The following CCNH variants were observed in gnomAD, a reference collection of about 807,000 sequenced individuals.
The protein encoded by CCNH is cyclin H, also known as cyclin-H.
CCNH carries 31 observed loss-of-function variants against 41.9 expected under a neutral mutation model. The observed-to-expected ratio is 0.74, with a 90% CI of 0.56 to 1.00. The LOEUF (loss-of-function observed/expected upper bound fraction) is 1.00. Ranked by LOEUF, CCNH falls within the 50% of genes least tolerant of loss-of-function variation. CCNH has a pLI of 0.00. For synonymous variants in CCNH, 138 were observed against 136.1 expected (o/e 1.01, Z -0.10); for missense variants, 362 against 388.4 (o/e 0.93, Z 0.57).
intron 7 of CCNH, among the ~76,000 whole-genome samples, chr5:87,397,850 TA>T (rs1181864388): frequency 1.3e-5 from 2 of 152,248 alleles, no homozygotes; most frequent in African/African-American, 4.8e-5. Flanking sequence ...GCAGGCCCTA[TA>T]ACCAGTTTCT....
chr5:87,331,638 A>C (rs1204723940), intron 9 of CCNH: 1 of 1,010,462 alleles, frequency 9.9e-7, no homozygotes, highest in Admixed American at 2.2e-5. Flanking sequence ...CAAATGATTT[A>C]ATCAGTGATT....
downstream of CCNH, chr5:87,391,965 T>G (rs1174564579): frequency 1.4e-5 from 3 of 222,176 alleles, no homozygotes; most frequent in Non-Finnish European, 2.7e-5. Flanking sequence ...TTTATTTATT[T>G]TCTTCCTCCT....
Position 87,383,852 on chromosome 5 carries a change from C to T in CCNH, c.*90+8918G>A, listed in dbSNP as rs1390501879. The T allele has an allele frequency of 6.1e-6, 7 of 1,152,552 alleles. No homozygotes were observed. In the East Asian group the frequency reaches 1.3e-4, roughly 21 times the overall value. 71.4% of individuals were successfully genotyped at this position (1,152,552 alleles called of 1,614,324 possible). ...CAGTTTCATACTATTTAAGAATACT[C>T]TTAAATCTTTTTTTTTTTTTTGATC... On this transcript the variant is annotated intron_variant and NMD_transcript_variant, in intron 9 of 9. Coordinates refer to the CCNH transcript ENST00000645953.
intron 9 of CCNH, among the ~76,000 whole-genome samples, chr5:87,366,866 TTTAAAAAA>T (rs1269251050): frequency 1.3e-5 from 2 of 152,124 alleles, no homozygotes; most frequent in Non-Finnish European, 2.9e-5. Context: ...ACCCCGTCTC[TTTAAAAAA>T]TTAAAAAATT....
upstream of CCNH, chr5:87,379,870 T>A: frequency 6.2e-7 from 1 of 1,608,316 alleles, no homozygotes. Context: ...GAAATTTTCA[T>A]TTGACAAGAA....
chr5:87,395,227 T>C (rs1045689839), intron 7 of CCNH, 123 bp from the exon 8 acceptor site: 35 of 692,600 alleles, frequency 5.1e-5, no homozygotes, highest in Non-Finnish European at 8.2e-5. Flanking sequence ...CCAGGATAAA[T>C]GGAAAAAGAT....
At chr5:87,356,264 G>A (rs1759641280) in intron 9 of CCNH, among the ~76,000 whole-genome samples, 1 of 152,060 alleles carries the variant, frequency 6.6e-6, no homozygotes, top group South Asian at 2.1e-4. Flanking sequence ...TTAAGAAATT[G>A]CCACAACCAC....
upstream of CCNH, among the ~76,000 whole-genome samples, chr5:87,381,087 T>C (rs1233625638): frequency 6.6e-6 from 1 of 152,186 alleles, no homozygotes; most frequent in Non-Finnish European, 1.5e-5. Flanking sequence ...TCATGGAATT[T>C]GGGAGCTTAT....
chr5:87,376,399 T>C (rs775774342), exon 1 of CCNH: 2 of 1,613,988 alleles, frequency 1.2e-6, no homozygotes, highest in Non-Finnish European at 1.7e-6. Context: ...CAAGTATTTA[T>C]GCGCTGCCAG....
At chr5:87,317,442 A>G (rs149348138), downstream of CCNH, among the ~76,000 whole-genome samples, 289 of 152,234 alleles carry the variant, frequency 1.9e-3, no homozygotes, top group African/African-American at 6.6e-3. Flanking sequence ...TAGACTAGAT[A>G]TCTGAAAGCT....
intron 3 of CCNH, 87 bp from the exon 4 acceptor site, chr5:87,408,273 A>G (rs1289294437): frequency 1.3e-5 from 8 of 603,338 alleles, no homozygotes; most frequent in Non-Finnish European, 2.2e-5. Flanking sequence ...TAAATAATTT[A>G]TTTCTAAAAG....
rs146092293 is a variant in CCNH, at chr5:87,322,543, C to A, written c.*91-3646G>T. Among the ~76,000 whole-genome samples, 230 of 152,252 alleles carry A rather than the reference C, an allele frequency of 1.5e-3. 2 individuals are homozygous for A. The highest frequency in any genetic ancestry group is 5.0e-3 in the African/African-American group (206 of 41,532). On this transcript the variant is annotated intron_variant and NMD_transcript_variant, in intron 9 of 9. Coordinates refer to the CCNH transcript ENST00000645953. ...GTTTAAAGGAGCCTGGCTCCTCCCCCCTTCTCTTGCTCTCTCTGGTCATGT... is the reference window on the plus strand; with the variant it reads ...GTTTAAAGGAGCCTGGCTCCTCCCCACTTCTCTTGCTCTCTCTGGTCATGT...
intron 9 of CCNH, among the ~76,000 whole-genome samples, chr5:87,325,199 G>A (rs998928207): frequency 3.9e-5 from 6 of 152,134 alleles, no homozygotes; most frequent in African/African-American, 1.4e-4. Context: ...AAAACCATTA[G>A]ATCTCGTGAG....
chr5:87,335,692 C>G (rs1182698526), intron 9 of CCNH, among the ~76,000 whole-genome samples: 3 of 152,120 alleles, frequency 2.0e-5, no homozygotes, highest in Non-Finnish European at 4.4e-5. Flanking sequence ...TCCCAAAGTG[C>G]TGGGATTGCA....
intron 9 of CCNH, among the ~76,000 whole-genome samples, chr5:87,345,721 A>G (rs1758812720): frequency 6.6e-6 from 1 of 152,146 alleles, no homozygotes; most frequent in Non-Finnish European, 1.5e-5. Context: ...AACAATGTGA[A>G]TGACCTCTGA....
intron 9 of CCNH, among the ~76,000 whole-genome samples, chr5:87,384,364 A>G (rs558939584): frequency 2.0e-5 from 3 of 152,264 alleles, no homozygotes; most frequent in South Asian, 4.1e-4. Context: ...CAAAGAAAGG[A>G]TAACAGGGAT....
At chr5:87,330,826 G>T in intron 9 of CCNH, 1 of 558,818 alleles carries the variant, frequency 1.8e-6, no homozygotes, top group African/African-American at 2.0e-5. Flanking sequence ...GGATTAATCA[G>T]CTTCACGTTC....
At chr5:87,318,058 T>C (rs1209886250), downstream of CCNH, among the ~76,000 whole-genome samples, 2 of 152,144 alleles carry the variant, frequency 1.3e-5, no homozygotes, top group Non-Finnish European at 2.9e-5. Context: ...TTTAGAGTAA[T>C]GGTACTACCA....
chr5:87,372,862 A>G (rs1421691408), downstream of CCNH, among the ~76,000 whole-genome samples: 2 of 152,186 alleles, frequency 1.3e-5, no homozygotes, highest in Admixed American at 6.6e-5. Context: ...TCTTTGTGCG[A>G]ATATCTGATA....
Sources: allele counts gnomAD v4.1 joint callset (sites outside exome capture counted in the v4.1 genomes callset), GRCh38; gene constraint gnomAD v4.1.1; transcripts MANE v1.5; gene names NCBI Gene and HGNC (gene_info 2026-07-23, HGNC 2026-07-21).